RALGPS1: variants seen among roughly 807,000 people sequenced by gnomAD.
RALGPS1 encodes Ral GEF with PH domain and SH3 binding motif 1.
RALGPS1 carries 19 observed loss-of-function variants against 78.8 expected under a neutral mutation model. That is an observed-to-expected ratio of 0.24 (90% CI 0.17 to 0.35). The LOEUF (loss-of-function observed/expected upper bound fraction) is 0.35. Ranked by LOEUF, RALGPS1 falls within the 10% of genes least tolerant of loss-of-function variation. The probability of loss-of-function intolerance (pLI) is 1.00; values close to 1 mark genes in which losing one functional copy is unlikely to be tolerated. For missense variants in RALGPS1, 454 were observed against 688.3 expected (o/e 0.66, Z 3.81); for synonymous variants, 228 against 256.3 (o/e 0.89, Z 1.06).
chr9:127,100,114 A>AT (rs1320878165), intron 8 of RALGPS1, among the ~76,000 whole-genome samples: 1 of 152,200 alleles, frequency 6.6e-6, no homozygotes, highest in Non-Finnish European at 1.5e-5. Context: ...TGTAGGTTAG[A>AT]TTTTTTTCAC....
intron 1 of RALGPS1, among the ~76,000 whole-genome samples, chr9:126,959,782 C>T (rs535483971): frequency 6.2e-4 from 94 of 152,224 alleles, no homozygotes; most frequent in African/African-American, 2.0e-3. Flanking sequence ...ACTCACTTTA[C>T]GTCTATATGT....
chr9:127,027,036 G>A (rs891062756), intron 4 of RALGPS1, among the ~76,000 whole-genome samples: 1 of 152,142 alleles, frequency 6.6e-6, no homozygotes, highest in Non-Finnish European at 1.5e-5. Flanking sequence ...ATGACTCTGA[G>A]CCAGGAGCCT....
rs1331595533 is a variant in RALGPS1 at position 127,217,280 on chromosome 9, T to A, written c.1645-1460T>A. The A allele has an allele frequency of 2.6e-6, 3 of 1,136,840 alleles. No homozygotes were observed. In the East Asian group the frequency reaches 1.4e-4, roughly 53 times the overall value. 70.4% of individuals were successfully genotyped at this position (1,136,840 alleles called of 1,614,324 possible). On this transcript the variant is annotated intron_variant, in intron 18 of 18. Transcript: ENST00000259351. ...CTTTCCCCCTTTTTTATTTCTAATTTACTTTCAACCAAATATTCCCACTAT... is the reference window on the plus strand; with the variant it reads ...CTTTCCCCCTTTTTTATTTCTAATTAACTTTCAACCAAATATTCCCACTAT...
intron 8 of RALGPS1, among the ~76,000 whole-genome samples, chr9:127,149,779 G>T (rs928664785): frequency 6.6e-6 from 1 of 152,236 alleles, no homozygotes; most frequent in Non-Finnish European, 1.5e-5. Flanking sequence ...TCCTCCAACT[G>T]TGGGCCAAGA....
intron 18 of RALGPS1, chr9:127,217,076 AG>A: frequency 7.1e-7 from 1 of 1,400,854 alleles, no homozygotes. Flanking sequence ...CCCTCTTTGG[AG>A]GAGCGGCCAG....
intron 7 of RALGPS1, among the ~76,000 whole-genome samples, chr9:127,053,871 C>A (rs1290267120): frequency 6.6e-6 from 1 of 152,112 alleles, no homozygotes; most frequent in Admixed American, 6.5e-5. Flanking sequence ...AAGTTTTAGC[C>A]CAGTGTCAGA....
intron 10 of RALGPS1, among the ~76,000 whole-genome samples, chr9:127,174,370 G>A (rs1451807125): frequency 2.0e-5 from 3 of 152,116 alleles, no homozygotes; most frequent in Non-Finnish European, 4.4e-5. Flanking sequence ...ACATTCCTGG[G>A]TTTGATCCCC....
At chr9:126,955,922 C>T (rs1024699798) in intron 1 of RALGPS1, among the ~76,000 whole-genome samples, 15 of 152,230 alleles carry the variant, frequency 9.9e-5, no homozygotes, top group African/African-American at 3.6e-4. Flanking sequence ...TCTACTCTAA[C>T]TGCCTGATGC....
In RALGPS1 at chr9:127,183,259, T is replaced by C. The variant is rs2060400884; in HGVS notation, c.910+8477T>C. On this transcript the variant is annotated intron_variant, in intron 11 of 18. Transcript: ENST00000259351. The surrounding 1 kb of genome is among the most constrained non-coding windows in gnomAD (Gnocchi z 4.0). The stretch of plus-strand genomic sequence containing the variant: ...ACAGGGCCTTCTAGCTGGCAGCCGA[T>C]ATCGCTGATGCTTCTTCTCCCAGGC... 6.6e-6 allele frequency among the ~76,000 whole-genome samples: 1 copy of C among 152,228 alleles called. No homozygotes were observed. Among genetic ancestry groups the C allele is most frequent in the East Asian group, 1.9e-4 (1 of 5,202 alleles).
In RALGPS1 at chr9:126,961,803, A is replaced by G. The variant is rs140706289; in HGVS notation, c.-65-422A>G. On this transcript the variant is annotated intron_variant, in intron 1 of 18. Coordinates refer to ENST00000259351, the MANE Select transcript of RALGPS1 (RefSeq NM_014636.3). Reference sequence around the variant, plus strand: ...AGAGCAAGACCCTGTCTCAAAATAAATAAGACAAAGATCACAAACTCTAGT... The same window carrying G: ...AGAGCAAGACCCTGTCTCAAAATAAGTAAGACAAAGATCACAAACTCTAGT... 2.0e-3 allele frequency among the ~76,000 whole-genome samples: 299 copies of G among 152,274 alleles called. 2 individuals are homozygous for G. The highest frequency in any genetic ancestry group is 6.9e-3 in the African/African-American group (287 of 41,540).
chr9:127,192,498 G>T (rs577396792), intron 11 of RALGPS1, among the ~76,000 whole-genome samples: 28 of 152,274 alleles, frequency 1.8e-4, no homozygotes, highest in African/African-American at 6.3e-4. Context: ...CAGAAAAGAG[G>T]TCTGGGCCAG....
Position 126,962,205 on chromosome 9 carries a change from T to G in RALGPS1, c.-65-20T>G. Reference sequence around the variant, plus strand: ...AATTTGTTTTGAAGACTGATTTTTATGAGCCCCTTTGCCTTGCAGGACTTC... The same window carrying G: ...AATTTGTTTTGAAGACTGATTTTTAGGAGCCCCTTTGCCTTGCAGGACTTC... On this transcript the variant is annotated intron_variant, in intron 1 of 18. Coordinates refer to ENST00000259351, the MANE Select transcript of RALGPS1 (RefSeq NM_014636.3). 7.2e-7 allele frequency: 1 copy of G among 1,379,512 alleles called. No homozygotes were observed. Among genetic ancestry groups the G allele is most frequent in the Non-Finnish European group, 1.0e-6 (1 of 982,416 alleles). 85.5% of individuals were successfully genotyped at this position (1,379,512 alleles called of 1,614,324 possible).
At chr9:126,986,212 G>A (rs1186262996) in intron 4 of RALGPS1, among the ~76,000 whole-genome samples, 1 of 152,184 alleles carries the variant, frequency 6.6e-6, no homozygotes, top group African/African-American at 2.4e-5. Context: ...TTGGCAGAGA[G>A]TAAGGAAAAT....
intron 6 of RALGPS1, 42 bp downstream of exon 6, chr9:127,050,174 C>A (rs779093558): frequency 7.0e-7 from 1 of 1,422,152 alleles, no homozygotes; most frequent in Non-Finnish European, 9.9e-7. Context: ...TCCCTCTTCT[C>A]TCCCACACCT....
At chr9:127,166,348 T>C (rs1421443590) in intron 9 of RALGPS1, 142 bp downstream of exon 9, 7 of 980,436 alleles carry the variant, frequency 7.1e-6, no homozygotes, top group Non-Finnish European at 1.1e-5. Flanking sequence ...TACTAGATCC[T>C]TTTATACATA....
At chr9:127,131,846 G>T (rs2057026710) in intron 8 of RALGPS1, among the ~76,000 whole-genome samples, 1 of 152,158 alleles carries the variant, frequency 6.6e-6, no homozygotes, top group African/African-American at 2.4e-5. Flanking sequence ...CACCACTTCA[G>T]CCCATCCTAG....
At chr9:127,040,341 G>T (rs890106729) in intron 5 of RALGPS1, among the ~76,000 whole-genome samples, 1 of 152,112 alleles carries the variant, frequency 6.6e-6, no homozygotes, top group Non-Finnish European at 1.5e-5. Context: ...GGCGGAGGTT[G>T]CAGTGAGCCG....
chr9:127,074,040 C>T (rs930568533), intron 8 of RALGPS1, among the ~76,000 whole-genome samples: 2 of 152,174 alleles, frequency 1.3e-5, no homozygotes, highest in Non-Finnish European at 2.9e-5. Context: ...TGCCACCATG[C>T]CCCGCTAAGT....
At chr9:126,965,664 A>ATTC (rs2039413267) in intron 2 of RALGPS1, among the ~76,000 whole-genome samples, 180 bp from the exon 3 acceptor site, 1 of 152,244 alleles carries the variant, frequency 6.6e-6, no homozygotes, top group Admixed American at 6.5e-5. Flanking sequence ...GAAGGAAATA[A>ATTC]GATCATACAC....
Sources: gnomAD v4.1 joint callset for allele counts (sites outside exome capture counted in the v4.1 genomes callset) on GRCh38, gnomAD v4.1.1 for gene constraint, Gnocchi (gnomAD v3.1) non-coding constraint, MANE v1.5 for transcripts, NCBI Gene and HGNC (gene_info 2026-07-23, HGNC 2026-07-21) for gene names.